The following AXDND1 variants were observed in gnomAD, a reference collection of about 807,000 sequenced individuals.
The protein encoded by AXDND1 is axonemal dynein light chain domain containing 1.
In AXDND1, 110 loss-of-function variants were observed where a neutral mutation model predicts 137.5. That is an observed-to-expected ratio of 0.80 (90% CI 0.69 to 0.94). AXDND1 has a LOEUF of 0.94. Ranked by LOEUF, AXDND1 falls within the 40% of genes least tolerant of loss-of-function variation. The pLI, the probability that AXDND1 is intolerant of heterozygous loss-of-function variation, is 0.00. For missense variants in AXDND1, 1,191 were observed against 1,169.8 expected (o/e 1.02, Z -0.26); for synonymous variants, 414 against 399.7 (o/e 1.04, Z -0.43).
intron 12 of AXDND1, among the ~76,000 whole-genome samples, chr1:179,415,471 A>G (rs1490415310): frequency 6.6e-6 from 1 of 152,238 alleles, no homozygotes; most frequent in East Asian, 1.9e-4. Flanking sequence ...AAGAAATTAC[A>G]TGAGAATTTT....
Position 179,424,426 on chromosome 1 carries a change from C to CT in AXDND1, c.1231-5073dup, listed in dbSNP as rs139043229. Among the ~76,000 whole-genome samples the CT allele has an allele frequency of 7.9e-3, 847 of 107,768 alleles. 15 individuals carry two copies. Among genetic ancestry groups the CT allele is most frequent in the African/African-American group, 0.02 (579 of 29,146 alleles). The allele number at this position is 107,768 out of a possible 152,430, so 70.7% of individuals were successfully genotyped here. A position where few individuals can be genotyped will look rare whatever the true frequency, so the allele number is the denominator to read the frequency against. ...TAAGTTTTTGAAAGTTTTCTATTAT[C>CT]TTTTTTTTTTTTTTTTTTTGAGACA... is the stretch of plus-strand genomic sequence containing the variant. On this transcript the variant is annotated intron_variant, in intron 12 of 25. Coordinates refer to ENST00000367618, the MANE Select transcript of AXDND1 (RefSeq NM_144696.6).
intron 11 of AXDND1, among the ~76,000 whole-genome samples, chr1:179,406,430 A>G (rs1652984496): frequency 6.6e-6 from 1 of 152,114 alleles, no homozygotes; most frequent in Non-Finnish European, 1.5e-5. Flanking sequence ...TGTCTAGATG[A>G]TCTTTTGAAT....
chr1:179,398,918 G>A (rs901609445), intron 11 of AXDND1, among the ~76,000 whole-genome samples: 1 of 152,122 alleles, frequency 6.6e-6, no homozygotes, highest in African/African-American at 2.4e-5. Flanking sequence ...CATATCAGTG[G>A]CAGGGCAGGG....
intron 12 of AXDND1, among the ~76,000 whole-genome samples, chr1:179,412,867 T>C (rs930655177): frequency 1.3e-5 from 2 of 152,236 alleles, no homozygotes; most frequent in Admixed American, 1.3e-4. Flanking sequence ...CTCAGTCTTA[T>C]GGGGAAGACA....
intron 20 of AXDND1, among the ~76,000 whole-genome samples, chr1:179,497,630 A>C (rs1667577919): frequency 6.6e-6 from 1 of 152,152 alleles, no homozygotes; most frequent in South Asian, 2.1e-4. Context: ...TACTATTCCT[A>C]TTCAACATAG....
chr1:179,529,700 C>T (rs963891969), intron 23 of AXDND1, among the ~76,000 whole-genome samples: 5 of 152,186 alleles, frequency 3.3e-5, no homozygotes, highest in Non-Finnish European at 7.3e-5. Flanking sequence ...CTCTCAATCT[C>T]TCCTGGGTCC....
rs928985360 is a variant in AXDND1 at position 179,500,101 on chromosome 1, A to G, written c.2388+7150A>G. 2.0e-5 allele frequency among the ~76,000 whole-genome samples: 3 copies of G among 152,136 alleles called. No homozygotes were observed. The South Asian group carries it at 6.2e-4, about 32-fold the overall frequency. On this transcript the variant is annotated intron_variant, in intron 20 of 25. Coordinates refer to ENST00000367618, the MANE Select transcript of AXDND1 (RefSeq NM_144696.6). ...AGGGATTGTTCAAGAAAGGGAAATT[A>G]TAGACCAGTCTCACATGGAATACAA... is the stretch of plus-strand genomic sequence containing the variant.
At chr1:179,405,469 G>T (rs916435684) in intron 11 of AXDND1, among the ~76,000 whole-genome samples, 2 of 152,104 alleles carry the variant, frequency 1.3e-5, no homozygotes, top group African/African-American at 4.8e-5. Flanking sequence ...AGGTATTTCT[G>T]GTTCCAGATC....
intron 25 of AXDND1, chr1:179,551,217 C>T: frequency 1.2e-6 from 2 of 1,614,074 alleles, no homozygotes; most frequent in Non-Finnish European, 8.5e-7. Context: ...AGTGGCTCAA[C>T]AGGTTTGGAA....
At chr1:179,395,449 T>C (rs1339677078) in intron 11 of AXDND1, among the ~76,000 whole-genome samples, 2 of 152,222 alleles carry the variant, frequency 1.3e-5, no homozygotes, top group Non-Finnish European at 2.9e-5. Flanking sequence ...TGCAGGCTAT[T>C]ACTTTCTGGT....
chr1:179,368,770 AAG>A (rs2125038917), intron 2 of AXDND1, 28 bp from the exon 3 acceptor site: 6 of 1,558,882 alleles, frequency 3.8e-6, no homozygotes, highest in Non-Finnish European at 4.4e-6. Context: ...AATATATAGT[AAG>A]AGTTTTTCTT....
At chr1:179,397,007 A>G (rs1651174765) in intron 11 of AXDND1, among the ~76,000 whole-genome samples, 1 of 152,174 alleles carries the variant, frequency 6.6e-6, no homozygotes, top group African/African-American at 2.4e-5. Context: ...GTAAAGATAT[A>G]TATAGATTTG....
chr1:179,410,480 G>A (rs148908548), intron 11 of AXDND1, among the ~76,000 whole-genome samples: 6,954 of 152,208 alleles, frequency 0.046, 232 homozygotes, highest in Non-Finnish European at 0.069. Context: ...TACCTGCCTC[G>A]GCCTCCCAAT....
chr1:179,401,067 T>C (rs970742786), intron 11 of AXDND1, among the ~76,000 whole-genome samples: 2 of 151,606 alleles, frequency 1.3e-5, no homozygotes, highest in Non-Finnish European at 2.9e-5. Context: ...GAGACCAGCC[T>C]GACCAACATG....
chr1:179,528,378 G>A lies in AXDND1; in HGVS notation c.2662G>A (p.Asp888Asn), dbSNP rs772297509. The change falls in exon 23 of 26, where the codon GAT becomes AAT. Residue 888 changes from aspartate to asparagine, a missense_variant. By Grantham distance (23) the Asp-to-Asn change is conservative. Coordinates refer to ENST00000367618, the MANE Select transcript of AXDND1 (RefSeq NM_144696.6). ...AAAACTCATTCGATTCATTGGAGAA[G>A]ATGAAAATGTTCATTCCAAACCTCT... Reference protein sequence around the residue: ...KEKLIRFIGEDENVHSKPLFE... With the variant: ...KEKLIRFIGENENVHSKPLFE... 5 of 1,614,002 alleles carry A rather than the reference G, an allele frequency of 3.1e-6. No individual in the cohort carries two copies. Among genetic ancestry groups the A allele is most frequent in the Non-Finnish European group, 4.2e-6 (5 of 1,179,914 alleles).
At position 179,498,915 on chromosome 1, in the gene AXDND1, C is replaced by CA. The variant is rs34684958; in HGVS notation, c.2388+5973dup. ...CCAGTCAGAATAGCTTATAAAAAGT[C>CA]AAAAAAAAACAACAGATGCTAGTGA... is the stretch of plus-strand genomic sequence containing the variant. On this transcript the variant is annotated intron_variant, in intron 20 of 25. Coordinates refer to ENST00000367618, the MANE Select transcript of AXDND1 (RefSeq NM_144696.6). 1.7e-3 allele frequency among the ~76,000 whole-genome samples: 261 copies of CA among 149,898 alleles called. 2 individuals are homozygous for CA. Among genetic ancestry groups the CA allele is most frequent in the African/African-American group, 4.3e-3 (175 of 40,726 alleles).
intron 21 of AXDND1, among the ~76,000 whole-genome samples, chr1:179,516,204 C>T (rs1447195357): frequency 2.6e-5 from 4 of 152,050 alleles, no homozygotes; most frequent in Non-Finnish European, 4.4e-5. Context: ...ACCTGGTCTT[C>T]GAGCTCTGAA....
chr1:179,433,673 T>C (rs1300458983), intron 15 of AXDND1, among the ~76,000 whole-genome samples: 1 of 152,206 alleles, frequency 6.6e-6, no homozygotes, highest in African/African-American at 2.4e-5. Flanking sequence ...TTGTATGGTT[T>C]TGAGTGAGTT....
chr1:179,373,152 A>G (rs891209799), intron 4 of AXDND1, among the ~76,000 whole-genome samples: 1 of 152,200 alleles, frequency 6.6e-6, no homozygotes, highest in African/African-American at 2.4e-5. Flanking sequence ...TCAAACCATA[A>G]CAATACCCAG....
Sources: allele counts gnomAD v4.1 joint callset (sites outside exome capture counted in the v4.1 genomes callset), GRCh38; gene constraint gnomAD v4.1.1; transcripts MANE v1.5; gene names NCBI Gene and HGNC (gene_info 2026-07-23, HGNC 2026-07-21).